The following CCDC191 variants were observed in gnomAD, a reference collection of about 807,000 sequenced individuals.
CCDC191 encodes the protein coiled-coil domain-containing protein 191.
CCDC191 carries 99 observed loss-of-function variants against 114.0 expected under a neutral mutation model. The observed-to-expected ratio is 0.87, with a 90% confidence interval of 0.74 to 1.03. The LOEUF (loss-of-function observed/expected upper bound fraction) is 1.03, where lower values mean the gene tolerates loss of function less well. CCDC191 is among the 50% of genes least tolerant of loss of function. The pLI, the probability that CCDC191 is intolerant of heterozygous loss-of-function variation, is 0.00. For synonymous variants in CCDC191, 351 were observed against 376.0 expected, an observed-to-expected ratio of 0.93 and a Z score of 0.77; for missense variants, 973 against 1,087.0, an observed-to-expected ratio of 0.90 and a Z score of 1.47.
chr3:114,038,672 T>C (rs866619432), intron 4 of CCDC191, among the ~76,000 whole-genome samples: 7 of 152,284 alleles, frequency 4.6e-5, no homozygotes, highest in African/African-American at 1.7e-4. Flanking sequence ...GTATTTCTGC[T>C]TCTAGATCGT....
At chr3:113,968,423 A>G (rs1940434619) in intron 16 of CCDC191, among the ~76,000 whole-genome samples, 1 of 151,632 alleles carries the variant, frequency 6.6e-6, no homozygotes, top group Non-Finnish European at 1.5e-5. Context: ...GGCCACTTGT[A>G]TATCTTTTGA....
At position 114,035,076 on chromosome 3, in the gene CCDC191, C is replaced by CCGA; in HGVS notation, c.664_666dup (p.Ser222dup). ...ACCAGACACTGAGCCTCCAAGAAGG[C>CCGA]CGATTTTTTCAGGGTCTTTTCTATT... On this transcript the variant is annotated inframe_insertion, in exon 6 of 17. Coordinates refer to ENST00000295878, the MANE Select transcript of CCDC191 (RefSeq NM_020817.2). 1.9e-6 allele frequency: 3 copies of CCGA among 1,614,100 alleles called. No homozygotes were observed. The South Asian group carries it at 3.3e-5, about 18-fold the overall frequency.
chr3:114,022,860 G>T (rs892918384), intron 7 of CCDC191, among the ~76,000 whole-genome samples: 2 of 152,108 alleles, frequency 1.3e-5, no homozygotes, highest in African/African-American at 4.8e-5. Context: ...TCTGGCCAGG[G>T]CAATCAGGCA....
At position 113,980,637 on chromosome 3, in the gene CCDC191, TG is replaced by T. The variant is rs575953298; in HGVS notation, c.2307+12del. On this transcript the variant is annotated intron_variant, in intron 14 of 16. Coordinates refer to ENST00000295878, the MANE Select transcript of CCDC191 (RefSeq NM_020817.2). ...CATTTTCTAATCTGGGGGATAACAG[TG>T]GGACAGTGTACCTGGATGTTTTGTT... The T allele has an allele frequency of 1.2e-4, 195 of 1,572,764 alleles. 3 individuals carry two copies. The South Asian group carries it at 2.3e-3, about 19-fold the overall frequency.
At chr3:114,027,704 C>A (rs888665109) in intron 7 of CCDC191, among the ~76,000 whole-genome samples, 3 of 151,666 alleles carry the variant, frequency 2.0e-5, no homozygotes, top group Non-Finnish European at 4.4e-5. Flanking sequence ...AAAACAGATT[C>A]TTTAAAGTCT....
intron 16 of CCDC191, among the ~76,000 whole-genome samples, chr3:113,966,484 G>A (rs1272472473): frequency 1.3e-5 from 2 of 152,170 alleles, no homozygotes; most frequent in East Asian, 3.9e-4. Context: ...GTCTGGTGGT[G>A]AGGAGCAGAC....
chr3:113,977,204 T>C (rs1225083249), intron 16 of CCDC191, among the ~76,000 whole-genome samples: 1 of 152,034 alleles, frequency 6.6e-6, no homozygotes, highest in Non-Finnish European at 1.5e-5. Flanking sequence ...GGCTGAGGCA[T>C]GAGAATTGCG....
intron 8 of CCDC191, among the ~76,000 whole-genome samples, chr3:114,016,512 A>AT (rs980104654): frequency 1.4e-4 from 22 of 151,930 alleles, no homozygotes; most frequent in East Asian, 1.2e-3. Context: ...CTGCTCTGGG[A>AT]TTTTTTTTGC....
At chr3:113,975,590 A>G (rs968305403) in intron 16 of CCDC191, among the ~76,000 whole-genome samples, 17 of 152,232 alleles carry the variant, frequency 1.1e-4, no homozygotes, top group Admixed American at 1.0e-3. Flanking sequence ...TCTGTTTAAC[A>G]TGTAAACAGT....
At position 113,973,410 on chromosome 3, in the gene CCDC191, C is replaced by A. The variant is rs886755110; in HGVS notation, c.2606+4776G>T. On this transcript the variant is annotated intron_variant, in intron 16 of 16. Coordinates refer to ENST00000295878, the MANE Select transcript of CCDC191 (RefSeq NM_020817.2). ...CTTAATTTTATCAGTAGGTTTTCTA[C>A]TGTCAACTGTTTTCTTTTTGTGTTA... 2.6e-5 allele frequency among the ~76,000 whole-genome samples: 4 copies of A among 152,192 alleles called. No homozygotes were observed. In the East Asian group the frequency reaches 7.7e-4, roughly 29 times the overall value.
intron 13 of CCDC191, among the ~76,000 whole-genome samples, chr3:113,987,952 G>C (rs1339698198): frequency 6.6e-6 from 1 of 151,734 alleles, no homozygotes; most frequent in East Asian, 2.0e-4. Flanking sequence ...TGAGGCAGGA[G>C]AATTGCTTGA....
intron 9 of CCDC191, among the ~76,000 whole-genome samples, chr3:114,009,693 T>C (rs2076034779): frequency 6.6e-6 from 1 of 152,158 alleles, no homozygotes; most frequent in African/African-American, 2.4e-5. Context: ...GAGATACAAA[T>C]GTTGAAGCAA....
chr3:114,019,797 C>T (rs1028510218), intron 7 of CCDC191, among the ~76,000 whole-genome samples: 4 of 152,150 alleles, frequency 2.6e-5, no homozygotes, highest in Admixed American at 2.6e-4. Context: ...TGCCTAACTA[C>T]AGTAGTCACC....
chr3:114,005,486 A>T lies in CCDC191; in HGVS notation c.1868+22T>A, dbSNP rs199970131. Reference sequence around the variant, plus strand: ...AAAACCCCTTAAAATGAGTCCAGCGAGTTCTGATAGAACAGACATACTTCA... The same window carrying T: ...AAAACCCCTTAAAATGAGTCCAGCGTGTTCTGATAGAACAGACATACTTCA... On this transcript the variant is annotated intron_variant, in intron 10 of 16. Transcript: ENST00000295878. 4.4e-6 allele frequency: 7 copies of T among 1,581,712 alleles called. No homozygotes were observed. The East Asian group carries it at 1.6e-4, about 36-fold the overall frequency.
chr3:114,056,393 C>G lies in CCDC191; in HGVS notation c.74G>C (p.Arg25Thr), dbSNP rs779927586. The G allele has an allele frequency of 5.6e-6, 9 of 1,614,170 alleles. No homozygotes were observed. In the Admixed American group the frequency reaches 1.5e-4, roughly 27 times the overall value. Reference protein sequence around the residue: ...MGLNRWKRFTRKPSPKPTFGP... With the variant: ...MGLNRWKRFTTKPSPKPTFGP... ...TGGGATCACCTTGGGACTCGGCTTC[C>G]TTGTGAACCGTTTCCAGCGATTCAG... The change falls in exon 1 of 17, where the codon AGG (arginine) becomes ACG (threonine). Residue 25 changes from arginine (R) to threonine (T), a missense_variant. Physicochemically the swap from Arg to Thr is moderately conservative, Grantham distance 71 (BLOSUM62 -1). Transcript: ENST00000295878.
intron 5 of CCDC191, 114 bp from the exon 6 acceptor site, chr3:114,035,262 C>G: frequency 1.5e-6 from 1 of 689,560 alleles, no homozygotes; most frequent in Non-Finnish European, 2.5e-6. Flanking sequence ...TATGCTGGCC[C>G]AGAACTCCAC....
chr3:113,972,031 T>C (rs1391672971), intron 16 of CCDC191, among the ~76,000 whole-genome samples: 1 of 152,136 alleles, frequency 6.6e-6, no homozygotes, highest in African/African-American at 2.4e-5. Context: ...TATGTCTCCT[T>C]TTTCATTTCT....
At chr3:114,006,599 TATATATATATATATATATAA>T (rs1437544935) in intron 9 of CCDC191, among the ~76,000 whole-genome samples, 105 of 135,440 alleles carry the variant, frequency 7.8e-4, no homozygotes, top group African/African-American at 2.9e-3. Flanking sequence ...TATATATATA[TATATATATATATATATATAA>T]ATATATATAT....
chr3:114,025,563 A>G (rs1428381862), intron 7 of CCDC191, among the ~76,000 whole-genome samples: 2 of 152,210 alleles, frequency 1.3e-5, no homozygotes, highest in African/African-American at 2.4e-5. Context: ...CACTCTAGAA[A>G]TAGAATTTCA....
Sources: gnomAD v4.1 joint callset for allele counts (sites outside exome capture counted in the v4.1 genomes callset) on GRCh38, gnomAD v4.1.1 for gene constraint, MANE v1.5 for transcripts, NCBI Gene and HGNC (gene_info 2026-07-23, HGNC 2026-07-21) for gene names.